Variants in SLC39A11 observed in about 807,000 individuals in gnomAD.
The protein encoded by SLC39A11 is solute carrier family 39 member 11.
SLC39A11 carries 33 observed loss-of-function variants against 36.1 expected under a neutral mutation model. The observed-to-expected ratio is 0.91, with a 90% CI of 0.69 to 1.22. The LOEUF (loss-of-function observed/expected upper bound fraction) is 1.22. Among genes scored for constraint, SLC39A11 ranks in the 50% most tolerant of loss-of-function variants. SLC39A11 has a pLI of 0.00. For missense variants in SLC39A11, 432 were observed against 430.3 expected, an observed-to-expected ratio of 1.00 and a Z score of -0.03; for synonymous variants, 166 against 170.3, an observed-to-expected ratio of 0.97 and a Z score of 0.20.
intron 7 of SLC39A11, among the ~76,000 whole-genome samples, chr17:72,686,422 C>T (rs986402179): frequency 1.3e-5 from 2 of 152,208 alleles, no homozygotes; most frequent in Non-Finnish European, 2.9e-5. Context: ...CGGGATCCCA[C>T]TGCTGTCCCG....
chr17:72,914,009 G>GA (rs112710441), intron 5 of SLC39A11, among the ~76,000 whole-genome samples: 1,664 of 147,386 alleles, frequency 0.011, 11 homozygotes, highest in Non-Finnish European at 0.015. Context: ...TAAAATAATT[G>GA]AAAGAAAAAA....
At chr17:73,044,945 C>T (rs2059230155) in intron 3 of SLC39A11, among the ~76,000 whole-genome samples, 1 of 151,512 alleles carries the variant, frequency 6.6e-6, no homozygotes, top group Non-Finnish European at 1.5e-5. Context: ...AGATACACAC[C>T]ACTGACCAAA....
At chr17:72,828,002 G>A (rs1164697462) in intron 6 of SLC39A11, among the ~76,000 whole-genome samples, 1 of 152,210 alleles carries the variant, frequency 6.6e-6, no homozygotes, top group East Asian at 1.9e-4. Flanking sequence ...AGACACACTG[G>A]GCAGTGATAC....
At chr17:72,900,004 A>AAG (rs773613706) in intron 5 of SLC39A11, among the ~76,000 whole-genome samples, 6 of 128,496 alleles carry the variant, frequency 4.7e-5, no homozygotes, top group Non-Finnish European at 9.3e-5. Context: ...GAGAGAGAGA[A>AAG]AGAGAGAGAG....
intron 6 of SLC39A11, among the ~76,000 whole-genome samples, chr17:72,781,318 G>GGAGA (rs141764833): frequency 0.037 from 5,660 of 152,002 alleles, 332 homozygotes; most frequent in African/African-American, 0.13. Context: ...AGAACTTTCA[G>GGAGA]GAGAGAATTT....
chr17:72,803,760 TC>T (rs1311379667), intron 6 of SLC39A11, among the ~76,000 whole-genome samples: 1 of 152,080 alleles, frequency 6.6e-6, no homozygotes, highest in African/African-American at 2.4e-5. Flanking sequence ...GGGACTAGTC[TC>T]CCTTCATCCC....
At chr17:72,966,034 C>T (rs1369488355) in intron 4 of SLC39A11, among the ~76,000 whole-genome samples, 1 of 152,224 alleles carries the variant, frequency 6.6e-6, no homozygotes, top group East Asian at 1.9e-4. Flanking sequence ...TTGTAGAAGT[C>T]GTAGCACACC....
At chr17:72,850,466 G>GA (rs34475330) in intron 5 of SLC39A11, among the ~76,000 whole-genome samples, 75,211 of 148,176 alleles carry the variant, frequency 0.51, 19,263 homozygotes, top group Middle Eastern at 0.57. Flanking sequence ...AAAAGAAAAA[G>GA]AAAAAAAAAA....
At chr17:72,979,249 T>C (rs2088107722) in intron 4 of SLC39A11, among the ~76,000 whole-genome samples, 1 of 152,166 alleles carries the variant, frequency 6.6e-6, no homozygotes, top group African/African-American at 2.4e-5. Context: ...GCCATTATTG[T>C]AACTTTCCTG....
At chr17:72,921,565 G>C (rs1006340983) in intron 5 of SLC39A11, among the ~76,000 whole-genome samples, 2 of 152,192 alleles carry the variant, frequency 1.3e-5, no homozygotes, top group Non-Finnish European at 2.9e-5. Context: ...GGAAGAGCCT[G>C]AGGACATTCT....
intron 4 of SLC39A11, among the ~76,000 whole-genome samples, chr17:73,004,077 C>T (rs1189582070): frequency 7.0e-6 from 1 of 142,918 alleles, no homozygotes; most frequent in Non-Finnish European, 1.5e-5. Flanking sequence ...CAGAGCAAGA[C>T]TGTGTAAAGA....
intron 6 of SLC39A11, among the ~76,000 whole-genome samples, chr17:72,840,647 T>C (rs1308198198): frequency 1.3e-5 from 2 of 152,168 alleles, no homozygotes; most frequent in African/African-American, 4.8e-5. Context: ...TAATCCCAGC[T>C]ACTCAGGAGG....
chr17:72,766,976 G>T (rs1029544157), intron 6 of SLC39A11, among the ~76,000 whole-genome samples: 16 of 151,602 alleles, frequency 1.1e-4, no homozygotes, highest in Non-Finnish European at 1.5e-5. Context: ...CCTCCCCTCC[G>T]ACCAGAGACA....
intron 5 of SLC39A11, among the ~76,000 whole-genome samples, chr17:72,851,157 T>C (rs1305718369): frequency 6.6e-6 from 1 of 152,166 alleles, no homozygotes; most frequent in Non-Finnish European, 1.5e-5. Context: ...GGGCCATCCG[T>C]AGCACCCAGC....
At chr17:72,835,662 C>T (rs1459594806) in intron 6 of SLC39A11, among the ~76,000 whole-genome samples, 1 of 152,116 alleles carries the variant, frequency 6.6e-6, no homozygotes. Flanking sequence ...GGTTCTGCCA[C>T]GTTGCCCAGG....
intron 3 of SLC39A11, among the ~76,000 whole-genome samples, chr17:73,062,829 C>G (rs2059889181): frequency 6.6e-6 from 1 of 152,166 alleles, no homozygotes; most frequent in Non-Finnish European, 1.5e-5. Flanking sequence ...TAACCTAGAT[C>G]CCTTGCACGT....
intron 7 of SLC39A11, among the ~76,000 whole-genome samples, chr17:72,684,192 G>A (rs58407073): frequency 0.067 from 10,183 of 152,078 alleles, 659 homozygotes; most frequent in African/African-American, 0.17. Flanking sequence ...CAAGAGACTG[G>A]GTTCCCGTAA....
At chr17:72,724,786 C>T (rs2073853493) in intron 7 of SLC39A11, among the ~76,000 whole-genome samples, 1 of 149,242 alleles carries the variant, frequency 6.7e-6, no homozygotes. Flanking sequence ...GGAACTTGTT[C>T]CAAAAGCTCA....
At chr17:73,087,635 G>A (rs2144880822) in intron 2 of SLC39A11, among the ~76,000 whole-genome samples, 1 of 152,190 alleles carries the variant, frequency 6.6e-6, no homozygotes, top group South Asian at 2.1e-4. Context: ...GTATGGGTAT[G>A]TGTGCAAGTG....
Sources: allele counts gnomAD v4.1 joint callset (sites outside exome capture counted in the v4.1 genomes callset), GRCh38; gene constraint gnomAD v4.1.1; transcripts MANE v1.5; gene names NCBI Gene and HGNC (gene_info 2026-07-23, HGNC 2026-07-21).